PDGFB: variants seen among roughly 807,000 people sequenced by gnomAD.
The protein encoded by PDGFB is platelet derived growth factor subunit B, also known as platelet-derived growth factor subunit B.
Under a neutral mutation model 29.0 loss-of-function variants are expected in PDGFB, and 6 were observed. That is an observed-to-expected ratio of 0.21 (90% CI 0.11 to 0.41). PDGFB has a LOEUF of 0.41. Among genes scored for constraint, PDGFB ranks in the 10% least tolerant of loss-of-function variants. The probability of loss-of-function intolerance (pLI) is 1.00; values close to 1 mark genes in which losing one functional copy is unlikely to be tolerated. For synonymous variants in PDGFB, 144 were observed against 140.8 expected, an observed-to-expected ratio of 1.02 and a Z score of -0.16; for missense variants, 299 against 341.8, an observed-to-expected ratio of 0.87 and a Z score of 0.99.
At position 39,231,757 on chromosome 22, in the gene PDGFB, G is replaced by T. The variant is rs1237365090; in HGVS notation, c.321C>A (p.Ser107=). ...CKTRTEVFEI[S]RRLIDRTNAN... ...CGTTGGTGCGGTCTATGAGGCGCCG[G>T]GAGATCTCGAACACCTCGGTGCGCG... The change falls in exon 4 of 7, where the codon TCC becomes TCA. Residue 107 remains serine (S), a synonymous_variant. Coordinates refer to ENST00000331163, the MANE Select transcript of PDGFB (RefSeq NM_002608.4). This position sits in a 1 kb window ranked among gnomAD's most constrained non-coding sequence, Gnocchi z 4.3. 2.5e-6 allele frequency: 4 copies of T among 1,613,378 alleles called. No individual in the cohort carries two copies. In the African/African-American group the frequency reaches 4.0e-5, roughly 16 times the overall value.
In PDGFB at chr22:39,242,459, C is replaced by CG. The variant is rs2146456653; in HGVS notation, c.63+1441dup. On this transcript the variant is annotated intron_variant, in intron 1 of 6. Transcript: ENST00000331163. This position sits in a 1 kb window ranked among gnomAD's most constrained non-coding sequence, Gnocchi z 5.7. The stretch of plus-strand genomic sequence containing the variant: ...GGCCACCCCCTCCCCAACAGCTGGC[C>CG]GCGGCCCGGGGGGCTGCGGGAGAGG... Among the ~76,000 whole-genome samples the CG allele has an allele frequency of 6.6e-6, 1 of 150,546 alleles. No homozygotes were observed. The highest frequency in any genetic ancestry group is 6.6e-5 in the Admixed American group (1 of 15,162).
In PDGFB at chr22:39,225,797, G is replaced by T. The variant is rs1481797088; in HGVS notation, c.652C>A (p.Pro218Thr). The T allele has an allele frequency of 1.2e-6, 2 of 1,614,146 alleles. No homozygotes were observed. Among genetic ancestry groups the T allele is most frequent in the Non-Finnish European group, 1.7e-6 (2 of 1,180,004 alleles). Residue 218 changes from proline to threonine, a missense_variant, in exon 6 of 7, where the codon CCC (proline) becomes ACC (threonine). Transcript: ENST00000331163. Reference sequence around the variant, plus strand: ...AATTTCCGGTGCTTGCCCTTGGGGGGCCGGCGGACTCGCACCGTCCGAATG... The same window carrying T: ...AATTTCCGGTGCTTGCCCTTGGGGGTCCGGCGGACTCGCACCGTCCGAATG... ...VTIRTVRVRR[P>T]PKGKHRKFKH...
intron 5 of PDGFB, among the ~76,000 whole-genome samples, chr22:39,228,046 C>T (rs2080514723): frequency 6.6e-6 from 1 of 152,190 alleles, no homozygotes; most frequent in African/African-American, 2.4e-5. Flanking sequence ...GGTCACCACA[C>T]AGCTCAAGTG....
At chr22:39,232,165 T>C (rs1932324814) in intron 3 of PDGFB, among the ~76,000 whole-genome samples, 1 of 152,254 alleles carries the variant, frequency 6.6e-6, no homozygotes, top group African/African-American at 2.4e-5. Context: ...TTCTTCTTTA[T>C]GATTTTACAC....
In PDGFB at chr22:39,240,854, C is replaced by G. The variant is rs144859499; in HGVS notation, c.63+3047G>C. The stretch of plus-strand genomic sequence containing the variant: ...AAGACAAGACGTGGAGAGGTACTTA[C>G]GAGGCCCATGATAAACATCTCACCA... On this transcript the variant is annotated intron_variant, in intron 1 of 6. Coordinates refer to ENST00000331163, the MANE Select transcript of PDGFB (RefSeq NM_002608.4). 3.1e-5 allele frequency: 50 copies of G among 1,613,772 alleles called. No homozygotes were observed. In the South Asian group the frequency reaches 5.2e-4, roughly 17 times the overall value.
intron 5 of PDGFB, among the ~76,000 whole-genome samples, chr22:39,226,102 T>C (rs1932159708): frequency 6.6e-6 from 1 of 152,182 alleles, no homozygotes; most frequent in Non-Finnish European, 1.5e-5. Context: ...CTCATAGAAC[T>C]GGTGGGAGGA....
chr22:39,235,912 G>A, intron 1 of PDGFB, 38 bp from the exon 2 acceptor site: 3 of 1,398,696 alleles, frequency 2.1e-6, no homozygotes, highest in Non-Finnish European at 3.0e-6. Flanking sequence ...TGAGCTGGGA[G>A]TGGGGGCTTT....
chr22:39,230,280 C>T, intron 4 of PDGFB, 52 bp from the exon 5 acceptor site: 2 of 1,597,338 alleles, frequency 1.3e-6, no homozygotes, highest in South Asian at 1.1e-5. Context: ...AGCCAGGAGC[C>T]CGGGAAGCCC....
intron 3 of PDGFB, among the ~76,000 whole-genome samples, chr22:39,232,390 A>G (rs1374128248): frequency 6.6e-6 from 1 of 152,168 alleles, no homozygotes; most frequent in East Asian, 1.9e-4. Flanking sequence ...GCAAGCACTG[A>G]GGTTACCGAT....
rs1046037820 is a variant in PDGFB at position 39,243,702 on chromosome 22, A to G, written c.63+199T>C. Among the ~76,000 whole-genome samples the G allele has an allele frequency of 3.3e-5, 5 of 152,082 alleles. No individual in the cohort carries two copies. The highest frequency in any genetic ancestry group is 1.2e-4 in the African/African-American group (5 of 41,388). On this transcript the variant is annotated intron_variant, in intron 1 of 6. Transcript: ENST00000331163. The surrounding 1 kb of genome is among the most constrained non-coding windows in gnomAD (Gnocchi z 6.4). ...CCAGATTCGCCCGCCGGTTGGAAAG[A>G]AAGCCACCGCTGTTGCCTTCCCTTA... is the stretch of plus-strand genomic sequence containing the variant.
At chr22:39,239,268 G>A (rs971093454) in intron 1 of PDGFB, among the ~76,000 whole-genome samples, 2 of 152,158 alleles carry the variant, frequency 1.3e-5, no homozygotes, top group African/African-American at 4.8e-5. Context: ...CAAGGAGTGG[G>A]TGGAGAGCTG....
rs1005853114 is a variant in PDGFB at position 39,231,297 on chromosome 22, CG to C, written c.456+324del. Reference sequence around the variant, plus strand: ...TTTGCGGATACGGCTCTTCAAGGGACGTTTTGCGATTTTGTCCTTGTAAAGG... The same window carrying C: ...TTTGCGGATACGGCTCTTCAAGGGACTTTTGCGATTTTGTCCTTGTAAAGG... On this transcript the variant is annotated intron_variant, in intron 4 of 6. Transcript: ENST00000331163. This position sits in a 1 kb window ranked among gnomAD's most constrained non-coding sequence, Gnocchi z 4.3. Among the ~76,000 whole-genome samples, 11 of 152,326 alleles carry C rather than the reference CG, an allele frequency of 7.2e-5. No individual in the cohort carries two copies. Among genetic ancestry groups the C allele is most frequent in the African/African-American group, 2.6e-4 (11 of 41,566 alleles).
chr22:39,230,802 C>T (rs1932284333), intron 4 of PDGFB, among the ~76,000 whole-genome samples: 2 of 152,214 alleles, frequency 1.3e-5, no homozygotes, highest in African/African-American at 4.8e-5. Context: ...GAAGGAAGTG[C>T]GGCTAAGCAG....
chr22:39,228,717 C>T (rs9611121), intron 5 of PDGFB, among the ~76,000 whole-genome samples: 56,191 of 151,466 alleles, frequency 0.37, 10,958 homozygotes, highest in Middle Eastern at 0.49. Flanking sequence ...GGTGAAACCC[C>T]GTTTCTACTA....
intron 1 of PDGFB, among the ~76,000 whole-genome samples, chr22:39,237,377 C>T (rs762373605): frequency 6.6e-6 from 1 of 152,154 alleles, no homozygotes; most frequent in Non-Finnish European, 1.5e-5. Flanking sequence ...GAACATGGAG[C>T]TTACAACTCC....
rs1932154975 is a variant in PDGFB, at chr22:39,225,855, AG to A, written c.602-9del. 1 of 1,609,016 alleles carries A rather than the reference AG, an allele frequency of 6.2e-7. No individual in the cohort carries two copies. The highest frequency in any genetic ancestry group is 8.5e-7 in the Non-Finnish European group (1 of 1,176,116). On this transcript the variant is annotated splice_polypyrimidine_tract_variant and intron_variant, in intron 5 of 6. Transcript: ENST00000331163. ...GAGTTTGGGGCGTTTTGGCTGCACA[AG>A]AAAAAGAAAGACCTCGTCAGCATGT... is the stretch of plus-strand genomic sequence containing the variant.
Position 39,242,209 on chromosome 22 carries a change from CCTGGCCGCGGTAGTGCGTGCCCGTCGCT to C in PDGFB, c.63+1664_63+1691del. 4.6e-6 allele frequency: 1 copy of C among 215,314 alleles called. No homozygotes were observed. Among genetic ancestry groups the C allele is most frequent in the Admixed American group, 5.8e-5 (1 of 17,100 alleles). 13.3% of individuals were successfully genotyped at this position (215,314 alleles called of 1,614,324 possible). A position where few individuals can be genotyped will look rare whatever the true frequency, so the allele number is the denominator to read the frequency against. On this transcript the variant is annotated intron_variant, in intron 1 of 6. Transcript: ENST00000331163. This position sits in a 1 kb window ranked among gnomAD's most constrained non-coding sequence, Gnocchi z 5.7. ...GGGCGTGGCAGAGGCGGGCGCGCGA[CCTGGCCGCGGTAGTGCGTGCCCGTCGCT>C]CTGCGCGCCCGCCCGCCGGAGCGCA...
In PDGFB at chr22:39,243,950, C is replaced by G; in HGVS notation, c.14G>C (p.Trp5Ser). 6.2e-7 allele frequency: 1 copy of G among 1,604,682 alleles called. No homozygotes were observed. Among genetic ancestry groups the G allele is most frequent in the Non-Finnish European group, 8.5e-7 (1 of 1,176,082 alleles). ...GCAGCAGAGAGACAGGAAGAGCGCC[C>G]AGCAGCGATTCATGCCGACTCCGGG... MNRC[W>S]ALFLSLCCYL... The change falls in exon 1 of 7, where the codon TGG becomes TCG. Residue 5 changes from tryptophan to serine, a missense_variant. Coordinates refer to ENST00000331163, the MANE Select transcript of PDGFB (RefSeq NM_002608.4). The surrounding 1 kb of genome is among the most constrained non-coding windows in gnomAD (Gnocchi z 6.4).
chr22:39,228,377 C>G (rs1300993677), intron 5 of PDGFB, among the ~76,000 whole-genome samples: 1 of 150,156 alleles, frequency 6.7e-6, no homozygotes, highest in East Asian at 2.0e-4. Flanking sequence ...TCACTTGAAC[C>G]CAGGAGTTAG....
Sources: allele counts gnomAD v4.1 joint callset (sites outside exome capture counted in the v4.1 genomes callset), GRCh38; gene constraint gnomAD v4.1.1; non-coding constraint Gnocchi (gnomAD v3.1); transcripts MANE v1.5; gene names NCBI Gene and HGNC (gene_info 2026-07-23, HGNC 2026-07-21).